MYBPC2: variants seen among roughly 807,000 people sequenced by gnomAD.
MYBPC2 encodes the protein myosin-binding protein C, fast-type.
A neutral mutation model predicts 137.0 loss-of-function variants in MYBPC2; 122 were observed. The observed-to-expected ratio is 0.89, with a 90% CI of 0.77 to 1.03. The LOEUF is 1.03. Ranked by LOEUF, MYBPC2 falls within the 50% of genes least tolerant of loss-of-function variation. The pLI is 0.00. For missense variants in MYBPC2, 1,500 were observed against 1,534.4 expected (o/e 0.98, Z 0.37); for synonymous variants, 626 against 612.3 (o/e 1.02, Z -0.33).
chr19:50,457,603 C>A (rs186801923), intron 20 of MYBPC2, among the ~76,000 whole-genome samples: 1 of 151,952 alleles, frequency 6.6e-6, no homozygotes, highest in Non-Finnish European at 1.5e-5. Flanking sequence ...TCTTGAATTC[C>A]TGGGCTTGAG....
At position 50,451,313 on chromosome 19, in the gene MYBPC2, A is replaced by C; in HGVS notation, c.1609+4A>C. 2 of 1,613,220 alleles carry C rather than the reference A, an allele frequency of 1.2e-6. No homozygotes were observed. Among genetic ancestry groups the C allele is most frequent in the Non-Finnish European group, 1.7e-6 (2 of 1,179,794 alleles). ...GTGGAGTACGTTCCCAAGCAAGGTG[A>C]GCACCACGGGCTGCGCTGGGAGCGG... On this transcript the variant is annotated splice_donor_region_variant and intron_variant, in intron 15 of 27. Transcript: ENST00000357701.
At chr19:50,442,499 A>G (rs969810151) in intron 9 of MYBPC2, among the ~76,000 whole-genome samples, 186 bp downstream of exon 9, 1 of 152,024 alleles carries the variant, frequency 6.6e-6, no homozygotes, top group Admixed American at 6.6e-5. Context: ...TGGATCACCT[A>G]AGGTCAGGGG....
At chr19:50,433,058 GAGA>G (rs1381541722) in intron 1 of MYBPC2, 86 bp downstream of exon 1, 2 of 1,451,156 alleles carry the variant, frequency 1.4e-6, no homozygotes, top group African/African-American at 1.4e-5. Context: ...GTAGGGTTGG[GAGA>G]AGGAGGAACC....
At chr19:50,439,281 C>T (rs544293477) in intron 7 of MYBPC2, among the ~76,000 whole-genome samples, 3 of 149,706 alleles carry the variant, frequency 2.0e-5, no homozygotes, top group East Asian at 4.0e-4. Flanking sequence ...ATCCATCCAC[C>T]CACCCACCTG....
Position 50,437,379 on chromosome 19 carries a change from T to C in MYBPC2, c.464-94T>C, listed in dbSNP as rs188845623. The C allele has an allele frequency of 8.9e-6, 12 of 1,349,672 alleles. No individual in the cohort carries two copies. In the African/African-American group the frequency reaches 1.5e-4, roughly 16 times the overall value. 83.6% of individuals were successfully genotyped at this position (1,349,672 alleles called of 1,614,324 possible). On this transcript the variant is annotated intron_variant, in intron 5 of 27. Transcript: ENST00000357701. ...TCCAAGAGATGGAGAAAAGGGGGCCTGGAAGAGGTTGTGCAGGCCTGGAGA... is the reference window on the plus strand; with the variant it reads ...TCCAAGAGATGGAGAAAAGGGGGCCCGGAAGAGGTTGTGCAGGCCTGGAGA...
At chr19:50,448,531 C>G in intron 13 of MYBPC2, 141 bp downstream of exon 13, 1 of 1,142,898 alleles carries the variant, frequency 8.7e-7, no homozygotes, top group African/African-American at 1.6e-5. Context: ...TGCAATGGCG[C>G]GATCTCAGCT....
At chr19:50,436,927 C>T (rs576293879) in intron 5 of MYBPC2, among the ~76,000 whole-genome samples, 193 bp downstream of exon 5, 27 of 152,054 alleles carry the variant, frequency 1.8e-4, no homozygotes, top group East Asian at 3.9e-4. Flanking sequence ...GTCTGGATTT[C>T]GGGGGTGAAA....
At position 50,435,366 on chromosome 19, in the gene MYBPC2, C is replaced by T; in HGVS notation, c.109+116C>T. The T allele has an allele frequency of 1.5e-6, 1 of 664,828 alleles. No individual in the cohort carries two copies. The highest frequency in any genetic ancestry group is 1.6e-5 in the South Asian group (1 of 61,298). 41.2% of individuals were successfully genotyped at this position (664,828 alleles called of 1,614,324 possible). ...CCTTGAATCTGTCCCCGCACAGCCC[C>T]AGGGCTGACCCACGCCTCCCGTGCT... On this transcript the variant is annotated intron_variant, in intron 2 of 27. Transcript: ENST00000357701. This position sits in a 1 kb window ranked among gnomAD's most constrained non-coding sequence, Gnocchi z 4.8.
intron 24 of MYBPC2, among the ~76,000 whole-genome samples, chr19:50,460,464 C>G (rs1379393251): frequency 2.0e-5 from 3 of 152,124 alleles, no homozygotes; most frequent in Non-Finnish European, 4.4e-5. Context: ...CCGCCTCTAC[C>G]CAGTCCATTT....
Position 50,455,089 on chromosome 19 carries a change from C to G in MYBPC2, c.2015-19C>G. 1 of 1,597,716 alleles carries G rather than the reference C, an allele frequency of 6.3e-7. No homozygotes were observed. The highest frequency in any genetic ancestry group is 1.7e-5 in the Admixed American group (1 of 57,616). ...ATGCCCTCCCGTTCCCTCTTCTCCT[C>G]TCTGCTTGGAGCCTCCAGGGTACCT... is the stretch of plus-strand genomic sequence containing the variant. On this transcript the variant is annotated intron_variant, in intron 18 of 27. Coordinates refer to ENST00000357701, the MANE Select transcript of MYBPC2 (RefSeq NM_004533.4).
In MYBPC2 at chr19:50,436,123, G is replaced by A. The variant is rs372672847; in HGVS notation, c.308G>A (p.Arg103His). Residue 103 changes from arginine (R) to histidine (H), a missense_variant, in exon 4 of 28, where the codon CGC (arginine) becomes CAC (histidine). Arg to His is a conservative substitution (Grantham distance 29). Transcript: ENST00000357701. ...GAGCTGGGCAGCAAGAGTGGCGCCC[G>A]CTTCTCCTTCAAGGAGTCCCACAAC... is the stretch of plus-strand genomic sequence containing the variant. ...WLELGSKSGARFSFKESHNSA... is the reference protein window; with the variant it reads ...WLELGSKSGAHFSFKESHNSA... 1.5e-5 allele frequency: 23 copies of A among 1,581,140 alleles called. No individual in the cohort carries two copies. The highest frequency in any genetic ancestry group is 3.3e-4 in the Middle Eastern group (2 of 6,050).
At chr19:50,438,316 T>C (rs1275119323) in intron 7 of MYBPC2, among the ~76,000 whole-genome samples, 1 of 152,044 alleles carries the variant, frequency 6.6e-6, no homozygotes, top group African/African-American at 2.4e-5. Context: ...TGGATTTGGT[T>C]GGGAGATGCA....
chr19:50,435,543 C>G lies in MYBPC2; in HGVS notation c.110-233C>G, dbSNP rs1347720560. Among the ~76,000 whole-genome samples, 1 of 152,206 alleles carries G rather than the reference C, an allele frequency of 6.6e-6. No homozygotes were observed. Among genetic ancestry groups the G allele is most frequent in the African/African-American group, 2.4e-5 (1 of 41,446 alleles). On this transcript the variant is annotated intron_variant, in intron 2 of 27. Coordinates refer to ENST00000357701, the MANE Select transcript of MYBPC2 (RefSeq NM_004533.4). This position sits in a 1 kb window ranked among gnomAD's most constrained non-coding sequence, Gnocchi z 4.8. Reference sequence around the variant, plus strand: ...AAAGGCACATTCAGTGCCCTCCAGTCCACAGATGAGGAAACCGAGGCCCAA... The same window carrying G: ...AAAGGCACATTCAGTGCCCTCCAGTGCACAGATGAGGAAACCGAGGCCCAA...
At position 50,460,028 on chromosome 19, in the gene MYBPC2, C is replaced by T. The variant is rs1204287343; in HGVS notation, c.2792-12C>T. The T allele has an allele frequency of 1.3e-6, 2 of 1,550,804 alleles. No individual in the cohort carries two copies. The highest frequency in any genetic ancestry group is 1.7e-6 in the Non-Finnish European group (2 of 1,147,078). On this transcript the variant is annotated splice_polypyrimidine_tract_variant and intron_variant, in intron 23 of 27. Transcript: ENST00000357701. ...AAACCTGGACTGACTTGTCACACTT[C>T]CCCATTTCCAGAAAAGGCTGGGCCC...
At position 50,465,220 on chromosome 19, in the gene MYBPC2, C is replaced by A. The variant is rs190295312; in HGVS notation, c.3415+688C>A. 6.6e-6 allele frequency among the ~76,000 whole-genome samples: 1 copy of A among 152,132 alleles called. No homozygotes were observed. The highest frequency in any genetic ancestry group is 2.4e-5 in the African/African-American group (1 of 41,452). On this transcript the variant is annotated intron_variant, in intron 27 of 27. Transcript: ENST00000357701. This position sits in a 1 kb window ranked among gnomAD's most constrained non-coding sequence, Gnocchi z 4.5. ...CCTGGTGTTCACGGTGGTGTGTCCA[C>A]CCCGGTTCTTCCCACATGATGTCCC...
At position 50,455,269 on chromosome 19, in the gene MYBPC2, A is replaced by AT. The variant is rs759220625; in HGVS notation, c.2177dup (p.Met726IlefsTer14). 2.5e-6 allele frequency: 4 copies of AT among 1,613,836 alleles called. No individual in the cohort carries two copies. The highest frequency in any genetic ancestry group is 3.4e-6 in the Non-Finnish European group (4 of 1,179,808). Reference sequence around the variant, plus strand: ...TGCTATAGGGGTCTCCCAGCCCAGCATGAACACCAAGCCTTTTATGCCTAT... The same window carrying AT: ...TGCTATAGGGGTCTCCCAGCCCAGCATTGAACACCAAGCCTTTTATGCCTAT... On this transcript the variant is annotated frameshift_variant, in exon 19 of 28. Transcript: ENST00000357701. LOFTEE classifies it high-confidence loss of function.
intron 12 of MYBPC2, 31 bp downstream of exon 12, chr19:50,446,083 C>T: frequency 1.2e-6 from 2 of 1,602,282 alleles, no homozygotes; most frequent in African/African-American, 1.3e-5. Context: ...GCACGGGCTG[C>T]ACTGCGCATG....
At chr19:50,442,909 C>G (rs543027873) in intron 9 of MYBPC2, among the ~76,000 whole-genome samples, 3 of 151,802 alleles carry the variant, frequency 2.0e-5, no homozygotes, top group African/African-American at 7.2e-5. Flanking sequence ...TCCCAAGTAG[C>G]TGGGATGACA....
In MYBPC2 at chr19:50,464,530, G is replaced by C. The variant is rs895478281; in HGVS notation, c.3413G>C (p.Arg1138Pro). The C allele has an allele frequency of 5.0e-6, 8 of 1,604,974 alleles. No homozygotes were observed. Among genetic ancestry groups the C allele is most frequent in the Non-Finnish European group, 6.8e-6 (8 of 1,176,658 alleles). The change falls in exon 27 of 28, where the codon CGA becomes CCA. Residue 1138 changes from arginine (R) to proline (P), a missense_variant and splice_region_variant. Transcript: ENST00000357701. Reference sequence around the variant, plus strand: ...CTGGCTGAGTGCAAGCTGGAGGTCCGAGGTGAGGGCGTGGCCATCCCCAAC... The same window carrying C: ...CTGGCTGAGTGCAAGCTGGAGGTCCCAGGTGAGGGCGTGGCCATCCCCAAC... The part of the protein sequence containing the change: ...EALAECKLEV[R>P]VPQ
Sources: allele counts gnomAD v4.1 joint callset (sites outside exome capture counted in the v4.1 genomes callset), GRCh38; gene constraint gnomAD v4.1.1; non-coding constraint Gnocchi (gnomAD v3.1); transcripts MANE v1.5; gene names NCBI Gene and HGNC (gene_info 2026-07-23, HGNC 2026-07-21).